GABRB1: variants seen among roughly 807,000 people sequenced by gnomAD.
GABRB1 encodes the protein gamma-aminobutyric acid receptor subunit beta-1.
In GABRB1, 17 loss-of-function variants were observed where a neutral mutation model predicts 51.6. The observed-to-expected ratio is 0.33, with a 90% CI of 0.23 to 0.49. GABRB1 has a LOEUF of 0.49. Among genes scored for constraint, GABRB1 ranks in the 20% least tolerant of loss-of-function variants. The pLI, the probability that GABRB1 is intolerant of heterozygous loss-of-function variation, is 0.99. For missense variants in GABRB1, 410 were observed against 600.6 expected, an observed-to-expected ratio of 0.68 and a Z score of 3.32; for synonymous variants, 247 against 218.9, an observed-to-expected ratio of 1.13 and a Z score of -1.14.
At chr4:47,111,408 A>G (rs1715204056) in intron 3 of GABRB1, among the ~76,000 whole-genome samples, 1 of 151,228 alleles carries the variant, frequency 6.6e-6, no homozygotes, top group African/African-American at 2.4e-5. Context: ...ATAAATCCAT[A>G]TCTATATCTA....
intron 5 of GABRB1, among the ~76,000 whole-genome samples, chr4:47,402,687 A>G (rs750186940): frequency 5.9e-5 from 9 of 152,144 alleles, no homozygotes; most frequent in Non-Finnish European, 1.2e-4. Context: ...ACTAAAGTTC[A>G]CTCTCATAAG....
chr4:47,032,127 G>GACAA (rs375911533), intron 2 of GABRB1, 122 bp downstream of exon 2: 2 of 580,492 alleles, frequency 3.4e-6, no homozygotes, highest in Non-Finnish European at 6.0e-6. Flanking sequence ...CTATACCCTG[G>GACAA]GCACACACAC....
chr4:47,021,486 A>G (rs1010834220), intron 1 of GABRB1, among the ~76,000 whole-genome samples: 2 of 152,146 alleles, frequency 1.3e-5, no homozygotes, highest in Non-Finnish European at 2.9e-5. Context: ...GGGAAAAAAT[A>G]AGAGGTAATC....
At chr4:47,372,410 C>T (rs1047062665) in intron 5 of GABRB1, among the ~76,000 whole-genome samples, 8 of 152,112 alleles carry the variant, frequency 5.3e-5, no homozygotes, top group African/African-American at 1.9e-4. Context: ...ATGCAGAGAG[C>T]TTTGTTTTTT....
At chr4:47,055,712 G>A (rs1726565402) in intron 3 of GABRB1, among the ~76,000 whole-genome samples, 1 of 152,122 alleles carries the variant, frequency 6.6e-6, no homozygotes, top group South Asian at 2.1e-4. Context: ...GAAACCTTGA[G>A]CAAAGTTGTC....
intron 4 of GABRB1, among the ~76,000 whole-genome samples, chr4:47,304,821 A>C: frequency 6.6e-6 from 1 of 152,054 alleles, no homozygotes; most frequent in Non-Finnish European, 1.5e-5. Flanking sequence ...TTAATTTTTA[A>C]TTGTTCATGA....
Position 47,110,179 on chromosome 4 carries a change from G to T in GABRB1, c.241-51070G>T, listed in dbSNP as rs112504584. ...AGATTGTTGTGAATCTCTACTTAAA[G>T]ATATTGGGCCAAATCTGATAGTAAG... On this transcript the variant is annotated intron_variant, in intron 3 of 8. Transcript: ENST00000295454. Among the ~76,000 whole-genome samples the T allele has an allele frequency of 8.1e-3, 1,237 of 152,118 alleles. 11 individuals carry two copies. Among genetic ancestry groups the T allele is most frequent in the African/African-American group, 0.028 (1,159 of 41,488 alleles).
At chr4:47,035,856 A>G (rs1421942923) in intron 3 of GABRB1, among the ~76,000 whole-genome samples, 1 of 152,204 alleles carries the variant, frequency 6.6e-6, no homozygotes, top group African/African-American at 2.4e-5. Flanking sequence ...CCTTCTAACA[A>G]GTAGTTGAAC....
intron 3 of GABRB1, among the ~76,000 whole-genome samples, chr4:47,066,159 T>C (rs1454901850): frequency 6.6e-6 from 1 of 152,234 alleles, no homozygotes; most frequent in South Asian, 2.1e-4. Context: ...TCCCAGTGTA[T>C]ATAAAATTAT....
intron 3 of GABRB1, among the ~76,000 whole-genome samples, chr4:47,087,058 C>T (rs28564010): frequency 6.6e-6 from 1 of 152,200 alleles, no homozygotes; most frequent in South Asian, 2.1e-4. Context: ...GTATAACCAA[C>T]GTCTCACAAA....
intron 4 of GABRB1, among the ~76,000 whole-genome samples, chr4:47,216,683 G>A (rs759954093): frequency 2.6e-5 from 4 of 151,846 alleles, no homozygotes; most frequent in Non-Finnish European, 4.4e-5. Flanking sequence ...TAATGGGGGA[G>A]CTCTATTTCA....
intron 3 of GABRB1, among the ~76,000 whole-genome samples, chr4:47,045,539 C>T (rs1167206925): frequency 1.3e-5 from 2 of 151,640 alleles, no homozygotes; most frequent in African/African-American, 4.8e-5. Flanking sequence ...AGCTTATAAA[C>T]AAGAGACATT....
At chr4:47,212,627 C>T (rs564127274) in intron 4 of GABRB1, among the ~76,000 whole-genome samples, 14 of 151,932 alleles carry the variant, frequency 9.2e-5, no homozygotes, top group South Asian at 6.2e-4. Flanking sequence ...TGCAGTGAGC[C>T]GAGATCGTGT....
intron 3 of GABRB1, among the ~76,000 whole-genome samples, chr4:47,068,905 A>G (rs1019722191): frequency 1.3e-5 from 2 of 152,226 alleles, no homozygotes; most frequent in Admixed American, 6.5e-5. Flanking sequence ...GTGGAGCACA[A>G]TAAAATGAGG....
intron 1 of GABRB1, among the ~76,000 whole-genome samples, chr4:47,011,121 A>G (rs3934674): frequency 0.7 from 106,206 of 152,104 alleles, 37,318 homozygotes; most frequent in South Asian, 0.79. Context: ...GGTAGATGAA[A>G]TTCAAAGGTC....
chr4:47,115,516 TA>T (rs1715439795), intron 3 of GABRB1, among the ~76,000 whole-genome samples: 1 of 152,066 alleles, frequency 6.6e-6, no homozygotes, highest in African/African-American at 2.4e-5. Context: ...TATAAAATCA[TA>T]AAAATTACTG....
chr4:47,277,712 G>T (rs1438171240), intron 4 of GABRB1, among the ~76,000 whole-genome samples: 1 of 151,746 alleles, frequency 6.6e-6, no homozygotes, highest in Non-Finnish European at 1.5e-5. Flanking sequence ...GAAAAAACAT[G>T]AATAAACCAA....
At chr4:47,424,775 TA>T (rs1253112620) in intron 8 of GABRB1, among the ~76,000 whole-genome samples, 1 of 152,162 alleles carries the variant, frequency 6.6e-6, no homozygotes. Flanking sequence ...AGCTTGAAGT[TA>T]AACAAGGCCA....
chr4:47,396,418 C>T (rs1409779733), intron 5 of GABRB1, among the ~76,000 whole-genome samples: 1 of 152,148 alleles, frequency 6.6e-6, no homozygotes, highest in Non-Finnish European at 1.5e-5. Context: ...AGAGCCAAAC[C>T]ATATCAGGGG....
Sources: allele counts gnomAD v4.1 joint callset (sites outside exome capture counted in the v4.1 genomes callset), GRCh38; gene constraint gnomAD v4.1.1; transcripts MANE v1.5; gene names NCBI Gene and HGNC (gene_info 2026-07-23, HGNC 2026-07-21).